The following ZDHHC7 variants were observed in gnomAD, a reference collection of about 807,000 sequenced individuals.
ZDHHC7 encodes zDHHC palmitoyltransferase 7.
Under a neutral mutation model 34.1 loss-of-function variants are expected in ZDHHC7, and 12 were observed. That is an observed-to-expected ratio of 0.35 (90% CI 0.23 to 0.57). The LOEUF (loss-of-function observed/expected upper bound fraction) is 0.57. ZDHHC7 is among the 20% of genes least tolerant of loss of function. The pLI is 0.84. For missense variants in ZDHHC7, 388 were observed against 402.7 expected (o/e 0.96, Z 0.31); for synonymous variants, 185 against 155.4 (o/e 1.19, Z -1.42).
intron 2 of ZDHHC7, among the ~76,000 whole-genome samples, chr16:84,992,066 C>A (rs544996336): frequency 2.3e-4 from 35 of 151,846 alleles, no homozygotes; most frequent in African/African-American, 8.5e-4. Context: ...ATCCCAGCTA[C>A]TCGGGAGGCT....
At chr16:85,023,147 T>TG in the ZDHHC7 span, among the ~76,000 whole-genome samples, 2 of 151,766 alleles carry the variant, frequency 1.3e-5, no homozygotes, top group African/African-American at 4.8e-5. Flanking sequence ...TAATATATTA[T>TG]GGTTTTCTTT....
At chr16:85,024,290 G>A in the ZDHHC7 span, among the ~76,000 whole-genome samples, 2 of 139,538 alleles carry the variant, frequency 1.4e-5, no homozygotes, top group African/African-American at 5.4e-5. Flanking sequence ...AGAGTGCAAT[G>A]GCACGATCTC....
chr16:85,022,521 TTAATAA>T, the ZDHHC7 span, among the ~76,000 whole-genome samples: 2 of 152,230 alleles, frequency 1.3e-5, no homozygotes, highest in East Asian at 3.9e-4. Context: ...AGACTCTGTC[TTAATAA>T]TAAGAAGAAG....
At chr16:85,014,801 G>GT (rs1393654896), upstream of ZDHHC7, among the ~76,000 whole-genome samples, 1 of 152,170 alleles carries the variant, frequency 6.6e-6, no homozygotes, top group African/African-American at 2.4e-5. Context: ...CATTCCCAAG[G>GT]TGGTTGGGTC....
intron 1 of ZDHHC7, among the ~76,000 whole-genome samples, chr16:85,010,116 C>G (rs2072771315): frequency 6.8e-6 from 1 of 147,550 alleles, no homozygotes; most frequent in Non-Finnish European, 1.5e-5. Context: ...TGATCTCAAA[C>G]TCAAGTGATC....
chr16:85,004,064 C>T (rs1371333511), intron 1 of ZDHHC7, among the ~76,000 whole-genome samples: 1 of 152,050 alleles, frequency 6.6e-6, no homozygotes, highest in African/African-American at 2.4e-5. Flanking sequence ...CTCAGGCTGA[C>T]GATGCATCCC....
upstream of ZDHHC7, among the ~76,000 whole-genome samples, chr16:85,012,156 C>T (rs1205431837): frequency 6.6e-6 from 1 of 152,116 alleles, no homozygotes; most frequent in African/African-American, 2.4e-5. Flanking sequence ...CCAAGGCAGG[C>T]TGATCACTTG....
chr16:85,022,922 G>C, the ZDHHC7 span, among the ~76,000 whole-genome samples: 1 of 152,152 alleles, frequency 6.6e-6, no homozygotes, highest in Non-Finnish European at 1.5e-5. Flanking sequence ...TGCACTCTTA[G>C]TCAATATCAG....
rs1335347048 is a variant in ZDHHC7 at position 84,992,203 on chromosome 16, C to G, written c.-17-1568G>C. Among the ~76,000 whole-genome samples, 3 of 151,610 alleles carry G rather than the reference C, an allele frequency of 2.0e-5. No individual in the cohort carries two copies. In the East Asian group the frequency reaches 5.8e-4, roughly 29 times the overall value. ...AAAAAAGTGGGTCAGGTGCGGGTGG[C>G]TCATACCTGTAACCCCAGCGCTTTC... On this transcript the variant is annotated intron_variant, in intron 2 of 7. Transcript: ENST00000313732.
chr16:84,978,645 C>T (rs564051421), intron 5 of ZDHHC7, among the ~76,000 whole-genome samples: 299 of 152,166 alleles, frequency 2.0e-3, no homozygotes, highest in Middle Eastern at 0.01. Flanking sequence ...GGCGGATCGC[C>T]TGAGGTCGGG....
At chr16:85,021,270 G>A in the ZDHHC7 span, among the ~76,000 whole-genome samples, 1 of 151,712 alleles carries the variant, frequency 6.6e-6, no homozygotes, top group Non-Finnish European at 1.5e-5. Flanking sequence ...AAATTAGTTG[G>A]GTGTGGTGGC....
upstream of ZDHHC7, among the ~76,000 whole-genome samples, chr16:85,013,899 G>A (rs1188632270): frequency 6.6e-6 from 1 of 151,906 alleles, no homozygotes; most frequent in East Asian, 1.9e-4. Flanking sequence ...TGTTGGCCAG[G>A]CTGGTCTGCA....
intron 1 of ZDHHC7, among the ~76,000 whole-genome samples, chr16:85,004,757 A>C (rs1320611288): frequency 6.6e-6 from 1 of 152,166 alleles, no homozygotes; most frequent in Non-Finnish European, 1.5e-5. Context: ...GACAAGAAAA[A>C]GTAGAAAGGA....
At chr16:85,009,520 G>C (rs1046223950) in intron 1 of ZDHHC7, among the ~76,000 whole-genome samples, 5 of 150,806 alleles carry the variant, frequency 3.3e-5, no homozygotes, top group African/African-American at 1.2e-4. Context: ...TTGTTACTTA[G>C]CGAATCCTTT....
chr16:85,024,499 G>C, the ZDHHC7 span, among the ~76,000 whole-genome samples: 9 of 152,300 alleles, frequency 5.9e-5, no homozygotes, highest in South Asian at 1.9e-3. Flanking sequence ...CCAAAGTGCT[G>C]GGATTAAAGG....
the ZDHHC7 span, among the ~76,000 whole-genome samples, chr16:85,017,881 C>T: frequency 2.6e-5 from 4 of 152,172 alleles, no homozygotes; most frequent in African/African-American, 9.7e-5. Context: ...GAGGTTGCTA[C>T]CTCTATAGGT....
At chr16:85,027,472 A>G in the ZDHHC7 span, among the ~76,000 whole-genome samples, 1 of 152,134 alleles carries the variant, frequency 6.6e-6, no homozygotes, top group African/African-American at 2.4e-5. Flanking sequence ...CATGCCCCCA[A>G]CTAAATCATG....
chr16:84,985,162 G>A (rs1160682325), intron 3 of ZDHHC7, among the ~76,000 whole-genome samples: 2 of 152,028 alleles, frequency 1.3e-5, no homozygotes, highest in Non-Finnish European at 2.9e-5. Flanking sequence ...AACACCCAGC[G>A]GCCTCCCTTC....
intron 2 of ZDHHC7, among the ~76,000 whole-genome samples, chr16:84,995,085 C>A (rs1000239549): frequency 6.6e-6 from 1 of 152,176 alleles, no homozygotes; most frequent in South Asian, 2.1e-4. Context: ...TTATTCTGCA[C>A]TGAATTCCAA....
Sources: gnomAD v4.1 joint callset for allele counts (sites outside exome capture counted in the v4.1 genomes callset) on GRCh38, gnomAD v4.1.1 for gene constraint, MANE v1.5 for transcripts, NCBI Gene and HGNC (gene_info 2026-07-23, HGNC 2026-07-21) for gene names.